The following NEIL2 variants were observed in gnomAD, a reference collection of about 807,000 sequenced individuals.
NEIL2 encodes the protein endonuclease 8-like 2.
NEIL2 carries 23 observed loss-of-function variants against 22.2 expected under a neutral mutation model. The observed-to-expected ratio is 1.04, with a 90% CI of 0.75 to 1.47. The LOEUF (loss-of-function observed/expected upper bound fraction) is 1.47, where lower values mean the gene tolerates loss of function less well. Ranked by LOEUF, NEIL2 falls within the 40% of genes most tolerant of loss-of-function variation. The probability of loss-of-function intolerance (pLI) is 0.00; values close to 1 mark genes in which losing one functional copy is unlikely to be tolerated. For synonymous variants in NEIL2, 229 were observed against 164.8 expected (o/e 1.39, Z -2.99); for missense variants, 583 against 404.7 (o/e 1.44, Z -3.78).
intron 1 of NEIL2, 83 bp from the exon 2 acceptor site, chr8:11,771,363 A>T: frequency 4.5e-6 from 7 of 1,569,414 alleles, no homozygotes; most frequent in Non-Finnish European, 6.1e-6. Context: ...AAATGGCGGC[A>T]TGGAGGATGC....
rs578021949 is a variant in NEIL2, at chr8:11,777,742, A to G, written c.139-1856A>G. Among the ~76,000 whole-genome samples, 3 of 152,362 alleles carry G rather than the reference A, an allele frequency of 2.0e-5. No individual in the cohort carries two copies. In the South Asian group the frequency reaches 6.2e-4, roughly 32 times the overall value. On this transcript the variant is annotated intron_variant, in intron 2 of 4. Transcript: ENST00000284503. ...ATTGTTGTAATCTAATTTTGCTGCT[A>G]TTACAGAATATTTGAGACTGCATAA...
intron 2 of NEIL2, among the ~76,000 whole-genome samples, chr8:11,772,483 G>T (rs1004235850): frequency 6.6e-6 from 1 of 152,168 alleles, no homozygotes; most frequent in African/African-American, 2.4e-5. Flanking sequence ...TGGTCTTCCA[G>T]CTTCCACTTG....
chr8:11,773,996 G>A (rs1300325068), intron 2 of NEIL2, among the ~76,000 whole-genome samples: 5 of 152,132 alleles, frequency 3.3e-5, no homozygotes, highest in South Asian at 2.1e-4. Context: ...GGGAGGCCTC[G>A]CAATTATGGC....
Position 11,771,473 on chromosome 8 carries a change from A to C in NEIL2, c.26A>C (p.Lys9Thr). MPEGPLVR[K>T]FHHLVSPFVG... Reference sequence around the variant, plus strand: ...ATGCCAGAAGGGCCGTTGGTGAGGAAATTTCACCATTTGGTCTCCCCCTTT... The same window carrying C: ...ATGCCAGAAGGGCCGTTGGTGAGGACATTTCACCATTTGGTCTCCCCCTTT... The change falls in exon 2 of 5, where the codon AAA (lysine) becomes ACA (threonine). Residue 9 changes from lysine (K) to threonine (T), a missense_variant. By Grantham distance (78) the Lys-to-Thr change is moderately conservative. Transcript: ENST00000284503. 1 of 1,613,914 alleles carries C rather than the reference A, an allele frequency of 6.2e-7. No individual in the cohort carries two copies. The highest frequency in any genetic ancestry group is 8.5e-7 in the Non-Finnish European group (1 of 1,179,986).
chr8:11,776,665 G>A (rs1032105644), intron 2 of NEIL2, among the ~76,000 whole-genome samples: 1 of 152,188 alleles, frequency 6.6e-6, no homozygotes, highest in Non-Finnish European at 1.5e-5. Flanking sequence ...AGCAGTGTAT[G>A]AGGACCAATC....
At chr8:11,784,534 C>A (rs137951370) in intron 4 of NEIL2, among the ~76,000 whole-genome samples, 1 of 152,188 alleles carries the variant, frequency 6.6e-6, no homozygotes, top group Non-Finnish European at 1.5e-5. Context: ...AGGAGTGTGA[C>A]TATGAGGCTC....
At position 11,777,287 on chromosome 8, in the gene NEIL2, C is replaced by T. The variant is rs527940662; in HGVS notation, c.139-2311C>T. Among the ~76,000 whole-genome samples, 8 of 152,238 alleles carry T rather than the reference C, an allele frequency of 5.3e-5. No individual in the cohort carries two copies. The South Asian group carries it at 1.5e-3, about 28-fold the overall frequency. On this transcript the variant is annotated intron_variant, in intron 2 of 4. Coordinates refer to ENST00000284503, the MANE Select transcript of NEIL2 (RefSeq NM_145043.4). ...GGATTACAGGCATGAGCCACTGTGC[C>T]TGGCCTAGCCACACTTTTCTCTGTG...
chr8:11,782,812 G>C (rs1804544058), intron 3 of NEIL2: 1 of 343,440 alleles, frequency 2.9e-6, no homozygotes, highest in African/African-American at 2.2e-5. Context: ...GTATGATCCA[G>C]CCACAGAGTG....
At chr8:11,771,652 C>G (rs1803455249) in intron 2 of NEIL2, 67 bp downstream of exon 2, 2 of 1,525,142 alleles carry the variant, frequency 1.3e-6, no homozygotes, top group East Asian at 4.5e-5. Context: ...GGATCTATCC[C>G]CATATGTCTC....
chr8:11,770,823 C>G (rs8191524), intron 1 of NEIL2, among the ~76,000 whole-genome samples: 1,698 of 152,138 alleles, frequency 0.011, 38 homozygotes, highest in African/African-American at 0.039. Flanking sequence ...TAGAACAGAA[C>G]CACAGCTGTT....
At position 11,786,924 on chromosome 8, in the gene NEIL2, G is replaced by A; in HGVS notation, c.*651G>A. ...CAAAATGTTGGGACCACGGGTGTGA[G>A]CCACCGCGCCCAGCTAGCTCCTGTG... On this transcript the variant is annotated 3_prime_UTR_variant, in exon 5 of 5. Coordinates refer to ENST00000284503, the MANE Select transcript of NEIL2 (RefSeq NM_145043.4). The A allele has an allele frequency of 6.5e-6, 1 of 153,096 alleles. No individual in the cohort carries two copies. Among genetic ancestry groups the A allele is most frequent in the Non-Finnish European group, 1.5e-5 (1 of 68,616 alleles). 9.5% of individuals were successfully genotyped at this position (153,096 alleles called of 1,614,324 possible). A position where few individuals can be genotyped will look rare whatever the true frequency, so the allele number is the denominator to read the frequency against.
chr8:11,786,113 C>T lies in NEIL2; in HGVS notation c.839C>T (p.Pro280Leu), dbSNP rs760381812. The T allele has an allele frequency of 1.2e-5, 20 of 1,613,948 alleles. No individual in the cohort carries two copies. The highest frequency in any genetic ancestry group is 6.7e-5 in the Admixed American group (4 of 59,986). ...AWLQGKFQGRPQHTQVYQKEQ... is the reference protein window; with the variant it reads ...AWLQGKFQGRLQHTQVYQKEQ... ...CTGCAGGGCAAGTTCCAAGGCAGACCGCAGCACACACAGGTCTACCAGAAA... is the reference window on the plus strand; with the variant it reads ...CTGCAGGGCAAGTTCCAAGGCAGACTGCAGCACACACAGGTCTACCAGAAA... Residue 280 changes from proline (P) to leucine (L), a missense_variant, in exon 5 of 5, where the codon CCG becomes CTG. Physicochemically the swap from Pro to Leu is moderately conservative, Grantham distance 98 (BLOSUM62 -3). Coordinates refer to ENST00000284503, the MANE Select transcript of NEIL2 (RefSeq NM_145043.4).
At chr8:11,773,326 G>C (rs970272129) in intron 2 of NEIL2, among the ~76,000 whole-genome samples, 7 of 152,136 alleles carry the variant, frequency 4.6e-5, no homozygotes, top group African/African-American at 1.7e-4. Context: ...ATGTTGCAGG[G>C]AACCTAAGGT....
At position 11,774,640 on chromosome 8, in the gene NEIL2, C is replaced by T. The variant is rs536248997; in HGVS notation, c.138+3055C>T. Reference sequence around the variant, plus strand: ...AATTTAATAGGCCACAGTCCAAAGTCTCATCTGAGACAAGGCAGGTTGCTT... The same window carrying T: ...AATTTAATAGGCCACAGTCCAAAGTTTCATCTGAGACAAGGCAGGTTGCTT... On this transcript the variant is annotated intron_variant, in intron 2 of 4. Coordinates refer to ENST00000284503, the MANE Select transcript of NEIL2 (RefSeq NM_145043.4). 2.6e-5 allele frequency among the ~76,000 whole-genome samples: 4 copies of T among 152,320 alleles called. No individual in the cohort carries two copies. In the South Asian group the frequency reaches 6.2e-4, roughly 24 times the overall value.
intron 1 of NEIL2, among the ~76,000 whole-genome samples, chr8:11,770,718 C>G (rs1198995438): frequency 2.6e-5 from 4 of 152,122 alleles, no homozygotes; most frequent in African/African-American, 9.7e-5. Flanking sequence ...CGGGTGTACA[C>G]CACTCAGACT....
rs186336507 is a variant in NEIL2 at position 11,777,219 on chromosome 8, C to T, written c.139-2379C>T. The stretch of plus-strand genomic sequence containing the variant: ...TGTTACCCAGGCTGGTCTCGATCTC[C>T]TGGGCTCAAGCAATCCTCTCGTCTC... On this transcript the variant is annotated intron_variant, in intron 2 of 4. Transcript: ENST00000284503. Among the ~76,000 whole-genome samples the T allele has an allele frequency of 2.6e-5, 4 of 152,050 alleles. No homozygotes were observed. The South Asian group carries it at 8.3e-4, about 32-fold the overall frequency.
At chr8:11,771,322 C>A (rs1803414802) in intron 1 of NEIL2, 124 bp from the exon 2 acceptor site, 2 of 1,230,778 alleles carry the variant, frequency 1.6e-6, no homozygotes, top group Non-Finnish European at 1.2e-6. Flanking sequence ...CCTTTTTGGC[C>A]ATGCTTGCTC....
At chr8:11,778,553 T>G (rs1239065739) in intron 2 of NEIL2, among the ~76,000 whole-genome samples, 1 of 152,118 alleles carries the variant, frequency 6.6e-6, no homozygotes, top group African/African-American at 2.4e-5. Flanking sequence ...ATATTTTGGT[T>G]TATACTCCTT....
At chr8:11,780,194 A>C (rs1804288348) in intron 3 of NEIL2, among the ~76,000 whole-genome samples, 1 of 152,128 alleles carries the variant, frequency 6.6e-6, no homozygotes, top group Non-Finnish European at 1.5e-5. Context: ...TTCCCAGCAA[A>C]TGTGGCACTT....
Sources: gnomAD v4.1 joint callset for allele counts (sites outside exome capture counted in the v4.1 genomes callset) on GRCh38, gnomAD v4.1.1 for gene constraint, MANE v1.5 for transcripts, NCBI Gene and HGNC (gene_info 2026-07-23, HGNC 2026-07-21) for gene names.